The following CALCOCO1 variants were observed in gnomAD, a reference collection of about 807,000 sequenced individuals.
CALCOCO1 encodes the protein calcium binding and coiled-coil domain 1, also known as calcium-binding and coiled-coil domain-containing protein 1.
Under a neutral mutation model 86.3 loss-of-function variants are expected in CALCOCO1, and 44 were observed. The ratio of observed to expected loss-of-function variants is 0.51; its 90% confidence interval spans 0.40 to 0.66. The LOEUF is 0.66. CALCOCO1 is among the 30% of genes least tolerant of loss of function. The probability of loss-of-function intolerance (pLI) is 0.00; values close to 1 mark genes in which losing one functional copy is unlikely to be tolerated. For synonymous variants in CALCOCO1, 297 were observed against 327.6 expected, an observed-to-expected ratio of 0.91 and a Z score of 1.01; for missense variants, 708 against 851.1, an observed-to-expected ratio of 0.83 and a Z score of 2.09.
chr12:53,715,761 A>C (rs770612964), intron 9 of CALCOCO1, 32 bp downstream of exon 9: 1 of 1,605,334 alleles, frequency 6.2e-7, no homozygotes, highest in East Asian at 2.2e-5. Flanking sequence ...GGCAGTGGCC[A>C]TCAGATTGCC....
chr12:53,712,636 G>T, intron 14 of CALCOCO1: 1 of 349,270 alleles, frequency 2.9e-6, no homozygotes, highest in Non-Finnish European at 5.0e-6. Context: ...CTTCCCTAAG[G>T]GTTACCCAGG....
Position 53,711,852 on chromosome 12 carries a change from T to G in CALCOCO1, c.*92A>C. On this transcript the variant is annotated 3_prime_UTR_variant, in exon 15 of 15. Transcript: ENST00000550804. ...GAACAGAATATCATGGAGCCCAGTGTGATAGAAAATGGGCATGAAACCTAA... is the reference window on the plus strand; with the variant it reads ...GAACAGAATATCATGGAGCCCAGTGGGATAGAAAATGGGCATGAAACCTAA... 1 of 1,098,860 alleles carries G rather than the reference T, an allele frequency of 9.1e-7. No individual in the cohort carries two copies. Among genetic ancestry groups the G allele is most frequent in the Non-Finnish European group, 1.3e-6 (1 of 799,086 alleles). The allele number at this position is 1,098,860 out of a possible 1,614,324, so 68.1% of individuals were successfully genotyped here.
rs1945549046 is a variant in CALCOCO1 at position 53,711,516 on chromosome 12, CAACGGA to C, written c.*422_*427del. ...GACCCCAGAGAAAACTCAGGTAAAC[CAACGGA>C]AACTCCAAATAAGAGAGGGTAGGGT... On this transcript the variant is annotated 3_prime_UTR_variant, in exon 15 of 15. Coordinates refer to ENST00000550804, the MANE Select transcript of CALCOCO1 (RefSeq NM_020898.3). 3.0e-6 allele frequency: 1 copy of C among 329,104 alleles called. No individual in the cohort carries two copies. Among genetic ancestry groups the C allele is most frequent in the Admixed American group, 4.9e-5 (1 of 20,542 alleles). The allele number at this position is 329,104 out of a possible 1,614,324, so 20.4% of individuals were successfully genotyped here.
intron 7 of CALCOCO1, among the ~76,000 whole-genome samples, chr12:53,717,777 G>A (rs1945764218): frequency 1.3e-5 from 2 of 152,192 alleles, no homozygotes; most frequent in South Asian, 4.1e-4. Flanking sequence ...ATCTCGGCAT[G>A]ATTTGGGAGG....
chr12:53,719,827 A>G lies in CALCOCO1; in HGVS notation c.761T>C (p.Leu254Pro), dbSNP rs1340578388. 6.2e-7 allele frequency: 1 copy of G among 1,610,680 alleles called. No individual in the cohort carries two copies. Among genetic ancestry groups the G allele is most frequent in the Non-Finnish European group, 8.5e-7 (1 of 1,177,212 alleles). Residue 254 changes from leucine (L) to proline (P), a missense_variant and splice_region_variant, in exon 7 of 15, where the codon CTT becomes CCT. By Grantham distance (98) the Leu-to-Pro change is moderately conservative. Coordinates refer to ENST00000550804, the MANE Select transcript of CALCOCO1 (RefSeq NM_020898.3). ...VLTKEVELDR[L>P]RDTVKALTRE... ...AGTCAGGGCCTTCACTGTGTCTCTAAGCCTGTGATTGGTGGGATGACATGT... is the reference window on the plus strand; with the variant it reads ...AGTCAGGGCCTTCACTGTGTCTCTAGGCCTGTGATTGGTGGGATGACATGT...
intron 7 of CALCOCO1, among the ~76,000 whole-genome samples, chr12:53,716,629 G>A (rs986097953): frequency 2.6e-5 from 4 of 152,150 alleles, no homozygotes; most frequent in Non-Finnish European, 5.9e-5. Flanking sequence ...ATCCAGCATC[G>A]CAGCCTTGGG....
Position 53,715,926 on chromosome 12 carries a change from G to A in CALCOCO1, c.1127C>T (p.Thr376Ile). ...LASAAAARDRTIAELHRSRLE... is the reference protein window; with the variant it reads ...LASAAAARDRIIAELHRSRLE... ...GCGGCTGCGGTGTAGTTCGGCTATG[G>A]TGCGGTCCCTGGCTGCTGCTGCACT... The change falls in exon 9 of 15, where the codon ACC (threonine) becomes ATC (isoleucine). Residue 376 changes from threonine to isoleucine, a missense_variant. Transcript: ENST00000550804. 10 of 1,614,048 alleles carry A rather than the reference G, an allele frequency of 6.2e-6. No individual in the cohort carries two copies. Among genetic ancestry groups the A allele is most frequent in the Non-Finnish European group, 7.6e-6 (9 of 1,180,004 alleles).
chr12:53,721,723 C>T, intron 5 of CALCOCO1, 108 bp from the exon 6 acceptor site: 9 of 1,340,426 alleles, frequency 6.7e-6, no homozygotes, highest in Non-Finnish European at 8.4e-6. Context: ...TTCCACCTGG[C>T]TATCACATTG....
chr12:53,712,442 T>G (rs1007407058), intron 14 of CALCOCO1: 2 of 283,350 alleles, frequency 7.1e-6, no homozygotes, highest in Admixed American at 4.9e-5. Flanking sequence ...TTCATCTTCC[T>G]GCTCCAGCCG....
At chr12:53,722,205 G>A in intron 4 of CALCOCO1, 22 bp from the exon 5 acceptor site, 1 of 1,610,790 alleles carries the variant, frequency 6.2e-7, no homozygotes, top group African/African-American at 1.3e-5. Flanking sequence ...AGAAGGAGAA[G>A]GGGAGTGTGC....
chr12:53,713,598 A>G (rs1945638744), intron 13 of CALCOCO1, 103 bp downstream of exon 13: 3 of 1,083,942 alleles, frequency 2.8e-6, no homozygotes, highest in Non-Finnish European at 4.0e-6. Flanking sequence ...CCCAGGAGGC[A>G]GAGGCTGCAG....
chr12:53,708,628 A>G lies in CALCOCO1; in HGVS notation c.*3316T>C, dbSNP rs1945503107. ...ATGTATAAAACATTTCATTAAAATA[A>G]CTTAAAGATTATTTCTGGAGGACTG... On this transcript the variant is annotated 3_prime_UTR_variant, in exon 15 of 15. Coordinates refer to ENST00000550804, the MANE Select transcript of CALCOCO1 (RefSeq NM_020898.3). 1 of 152,168 alleles carries G rather than the reference A, an allele frequency of 6.6e-6. No homozygotes were observed. Among genetic ancestry groups the G allele is most frequent in the South Asian group, 2.1e-4 (1 of 4,832 alleles). 9.4% of individuals were successfully genotyped at this position (152,168 alleles called of 1,614,324 possible). A position where few individuals can be genotyped will look rare whatever the true frequency, so the allele number is the denominator to read the frequency against.
intron 7 of CALCOCO1, among the ~76,000 whole-genome samples, chr12:53,716,687 C>T (rs1945736163): frequency 6.6e-6 from 1 of 152,182 alleles, no homozygotes; most frequent in Non-Finnish European, 1.5e-5. Flanking sequence ...TCTATTCTTT[C>T]TCTTAAATCA....
intron 13 of CALCOCO1, 150 bp from the exon 14 acceptor site, chr12:53,713,356 G>A: frequency 3.0e-6 from 2 of 664,622 alleles, no homozygotes; most frequent in South Asian, 1.7e-5. Flanking sequence ...GTTTTGAGGG[G>A]CTGGTGAATA....
In CALCOCO1 at chr12:53,708,828, A is replaced by G. The variant is rs963140101; in HGVS notation, c.*3116T>C. 1.3e-5 allele frequency: 2 copies of G among 152,192 alleles called. No homozygotes were observed. The highest frequency in any genetic ancestry group is 1.3e-4 in the Admixed American group (2 of 15,284). The allele number at this position is 152,192 out of a possible 1,614,324, so 9.4% of individuals were successfully genotyped here. A position where few individuals can be genotyped will look rare whatever the true frequency, so the allele number is the denominator to read the frequency against. On this transcript the variant is annotated 3_prime_UTR_variant, in exon 15 of 15. Coordinates refer to ENST00000550804, the MANE Select transcript of CALCOCO1 (RefSeq NM_020898.3). Reference sequence around the variant, plus strand: ...AAGGATAACTGAGGGCAGTCAAGTAAGGCTCCATGTAGGTGGTATCCTTTG... The same window carrying G: ...AAGGATAACTGAGGGCAGTCAAGTAGGGCTCCATGTAGGTGGTATCCTTTG...
intron 14 of CALCOCO1, chr12:53,712,830 C>T (rs763319997): frequency 8.4e-6 from 12 of 1,428,642 alleles, no homozygotes; most frequent in South Asian, 1.1e-5. Flanking sequence ...GCAATTTGGG[C>T]TCTGCAGAAG....
rs762296555 is a variant in CALCOCO1, at chr12:53,716,367, G to C, written c.898C>G (p.Leu300Val). 2 of 1,614,178 alleles carry C rather than the reference G, an allele frequency of 1.2e-6. No homozygotes were observed. Among genetic ancestry groups the C allele is most frequent in the South Asian group, 1.1e-5 (1 of 91,084 alleles). The part of the protein sequence containing the change: ...QQENHHLNLD[L>V]KEAKSWQEEQ... ...TCTTGCCAGCTCTTCGCCTCCTTCA[G>C]GTCCAAATTTAAGTGATGGTTCTCC... The change falls in exon 8 of 15, where the codon CTG (leucine) becomes GTG (valine). Residue 300 changes from leucine (L) to valine (V), a missense_variant. Coordinates refer to ENST00000550804, the MANE Select transcript of CALCOCO1 (RefSeq NM_020898.3).
chr12:53,711,783 G>A lies in CALCOCO1; in HGVS notation c.*161C>T. On this transcript the variant is annotated 3_prime_UTR_variant, in exon 15 of 15. Coordinates refer to ENST00000550804, the MANE Select transcript of CALCOCO1 (RefSeq NM_020898.3). ...AGCCAGGTAGGAGAGGATGAAGTGA[G>A]AAATCTTGGGATGAAAACAGGGCAC... 1 of 599,108 alleles carries A rather than the reference G, an allele frequency of 1.7e-6. No homozygotes were observed. Among genetic ancestry groups the A allele is most frequent in the South Asian group, 3.7e-5 (1 of 26,698 alleles). 37.1% of individuals were successfully genotyped at this position (599,108 alleles called of 1,614,324 possible).
intron 3 of CALCOCO1, chr12:53,724,127 T>C: frequency 2.5e-6 from 1 of 400,004 alleles, no homozygotes; most frequent in Non-Finnish European, 4.9e-6. Context: ...GCCTCCCGGG[T>C]TCAAGAGATT....
Sources: allele counts gnomAD v4.1 joint callset (sites outside exome capture counted in the v4.1 genomes callset), GRCh38; gene constraint gnomAD v4.1.1; transcripts MANE v1.5; gene names NCBI Gene and HGNC (gene_info 2026-07-23, HGNC 2026-07-21).